ATP6V1A: variants seen among roughly 807,000 people sequenced by gnomAD.
The protein encoded by ATP6V1A is V-type proton ATPase catalytic subunit A.
In ATP6V1A, 18 loss-of-function variants were observed where a neutral mutation model predicts 70.1. That is an observed-to-expected ratio of 0.26 (90% CI 0.18 to 0.38). The LOEUF (loss-of-function observed/expected upper bound fraction) is 0.38, where lower values mean the gene tolerates loss of function less well. Among genes scored for constraint, ATP6V1A ranks in the 10% least tolerant of loss-of-function variants. The pLI is 1.00. For synonymous variants in ATP6V1A, 232 were observed against 253.8 expected (o/e 0.91, Z 0.82); for missense variants, 424 against 772.4 (o/e 0.55, Z 5.35).
At chr3:113,789,996 A>T (rs1190592908) in intron 8 of ATP6V1A, among the ~76,000 whole-genome samples, 156 bp downstream of exon 8, 1 of 152,190 alleles carries the variant, frequency 6.6e-6, no homozygotes, top group African/African-American at 2.4e-5. Context: ...TTGGCCGGGA[A>T]TGGTGACTCA....
intron 1 of ATP6V1A, among the ~76,000 whole-genome samples, chr3:113,769,680 C>T (rs188921546): frequency 3.5e-4 from 53 of 152,234 alleles, no homozygotes; most frequent in Admixed American, 2.6e-3. Flanking sequence ...AAAATTTTTT[C>T]CTCTGGTGTT....
chr3:113,773,184 C>A (rs1269917739), intron 1 of ATP6V1A, among the ~76,000 whole-genome samples: 1 of 152,002 alleles, frequency 6.6e-6, no homozygotes, highest in African/African-American at 2.4e-5. Context: ...GTGATCCACC[C>A]GCCTTGGCCC....
chr3:113,801,578 T>A (rs1376351284), intron 12 of ATP6V1A, among the ~76,000 whole-genome samples: 1 of 152,178 alleles, frequency 6.6e-6, no homozygotes, highest in African/African-American at 2.4e-5. Context: ...AAAGAAATTC[T>A]CAAGCAGGTC....
intron 14 of ATP6V1A, among the ~76,000 whole-genome samples, chr3:113,806,275 A>G (rs2108046597): frequency 6.6e-6 from 1 of 152,236 alleles, no homozygotes; most frequent in Middle Eastern, 3.4e-3. Flanking sequence ...TTAGTATGTC[A>G]CGTCTAAAAT....
intron 3 of ATP6V1A, among the ~76,000 whole-genome samples, chr3:113,781,520 A>G (rs1428173366): frequency 1.3e-5 from 2 of 152,156 alleles, no homozygotes; most frequent in Admixed American, 1.3e-4. Flanking sequence ...TCCATCTCAG[A>G]AAAGAAAAAA....
At chr3:113,795,250 A>G in intron 10 of ATP6V1A, 46 bp downstream of exon 10, 1 of 1,583,386 alleles carries the variant, frequency 6.3e-7, no homozygotes, top group East Asian at 2.2e-5. Flanking sequence ...AAAGTCACAG[A>G]TGTATTAAAG....
In ATP6V1A at chr3:113,786,278, C is replaced by G; in HGVS notation, c.611C>G (p.Thr204Ser). The change falls in exon 6 of 15, where the codon ACC (threonine) becomes AGC (serine). Residue 204 changes from threonine (T) to serine (S), a missense_variant. Coordinates refer to ENST00000273398, the MANE Select transcript of ATP6V1A (RefSeq NM_001690.4). ...LEFEGVKEKFTMVQVWPVRQV... is the reference protein window; with the variant it reads ...LEFEGVKEKFSMVQVWPVRQV... ...TTTGAAGGTGTAAAGGAGAAGTTCA[C>G]CATGGTGCAAGTATGGCCTGTACGT... 6.2e-7 allele frequency: 1 copy of G among 1,611,350 alleles called. No homozygotes were observed. The highest frequency in any genetic ancestry group is 8.5e-7 in the Non-Finnish European group (1 of 1,178,300).
chr3:113,806,549 C>G (rs920407049), intron 14 of ATP6V1A, among the ~76,000 whole-genome samples: 11 of 152,018 alleles, frequency 7.2e-5, no homozygotes, highest in Non-Finnish European at 1.3e-4. Flanking sequence ...ACCTCCACCT[C>G]CTGGGTTCAA....
In ATP6V1A at chr3:113,800,921, G is replaced by A. The variant is rs145646299; in HGVS notation, c.1494+2475G>A. On this transcript the variant is annotated intron_variant, in intron 12 of 14. Transcript: ENST00000273398. ...TGTAATCCCAGCACTTTAGGAGGCT[G>A]AGGTGAGTGGATGGCTTGACTCCAG... Among the ~76,000 whole-genome samples the A allele has an allele frequency of 1.7e-3, 259 of 152,216 alleles. 1 individual carries two copies. Among genetic ancestry groups the A allele is most frequent in the African/African-American group, 6.1e-3 (252 of 41,562 alleles).
rs9811746 is a variant in ATP6V1A, at chr3:113,796,213, T to C, written c.1290+274T>C. Among the ~76,000 whole-genome samples the C allele has an allele frequency of 9.9e-5, 15 of 152,014 alleles. 2 individuals are homozygous for C. The highest frequency in any genetic ancestry group is 3.4e-4 in the African/African-American group (14 of 41,436). ...AAATTTTATTAGTATTAGAGTAGTA[T>C]TATCCTTTAAGTCATAGTAACCCTA... On this transcript the variant is annotated intron_variant, in intron 11 of 14. Coordinates refer to ENST00000273398, the MANE Select transcript of ATP6V1A (RefSeq NM_001690.4).
At chr3:113,803,705 T>G in intron 13 of ATP6V1A, 28 bp downstream of exon 13, 1 of 1,535,192 alleles carries the variant, frequency 6.5e-7, no homozygotes, top group Non-Finnish European at 8.9e-7. Context: ...CCTTTTTTTA[T>G]TTGAGGATTT....
chr3:113,747,269 C>A, intron 1 of ATP6V1A, 156 bp downstream of exon 1: 1 of 152,412 alleles, frequency 6.6e-6, no homozygotes, highest in Non-Finnish European at 1.5e-5. Flanking sequence ...TCTCCTTAAC[C>A]CCCGCTCCCC....
intron 8 of ATP6V1A, 30 bp downstream of exon 8, chr3:113,789,870 A>G: frequency 1.3e-6 from 2 of 1,512,228 alleles, no homozygotes; most frequent in Non-Finnish European, 1.8e-6. Flanking sequence ...AAAAGCAGTT[A>G]ACATCTGTTC....
intron 3 of ATP6V1A, among the ~76,000 whole-genome samples, chr3:113,781,698 C>T (rs1708979665): frequency 6.6e-6 from 1 of 152,160 alleles, no homozygotes; most frequent in African/African-American, 2.4e-5. Context: ...AAATTAGTAT[C>T]TTCTGAACTT....
intron 12 of ATP6V1A, among the ~76,000 whole-genome samples, chr3:113,799,099 A>T (rs889886026): frequency 5.9e-5 from 9 of 152,206 alleles, no homozygotes; most frequent in Non-Finnish European, 7.3e-5. Context: ...AAGAAACAGG[A>T]AGAACTGCAA....
chr3:113,788,506 CT>C (rs371598625), intron 6 of ATP6V1A, among the ~76,000 whole-genome samples: 72 of 142,448 alleles, frequency 5.1e-4, no homozygotes, highest in Admixed American at 5.6e-4. Flanking sequence ...GCTAATTTTT[CT>C]TTTTTTTTTT....
At chr3:113,790,157 G>A (rs1373667037) in intron 8 of ATP6V1A, among the ~76,000 whole-genome samples, 1 of 151,736 alleles carries the variant, frequency 6.6e-6, no homozygotes, top group Non-Finnish European at 1.5e-5. Context: ...TTTAATCCCA[G>A]CTACTCGGGA....
intron 1 of ATP6V1A, among the ~76,000 whole-genome samples, chr3:113,757,922 G>T (rs1219386358): frequency 2.0e-5 from 3 of 152,192 alleles, no homozygotes; most frequent in Admixed American, 2.0e-4. Context: ...AAGGTGGGTG[G>T]ATCACGAGGT....
chr3:113,782,587 C>CATATATATATATATATATACACATAT (rs527941453), intron 3 of ATP6V1A, among the ~76,000 whole-genome samples: 1 of 140,618 alleles, frequency 7.1e-6, no homozygotes, highest in African/African-American at 2.6e-5. Flanking sequence ...TATATATACA[C>CATATATATATATATATATACACATAT]ATATATATAT....
Sources: gnomAD v4.1 joint callset for allele counts (sites outside exome capture counted in the v4.1 genomes callset) on GRCh38, gnomAD v4.1.1 for gene constraint, MANE v1.5 for transcripts, NCBI Gene and HGNC (gene_info 2026-07-23, HGNC 2026-07-21) for gene names.